The following MYO1E variants were observed in gnomAD, a reference collection of about 807,000 sequenced individuals.
MYO1E encodes the protein unconventional myosin-Ie.
In MYO1E, 68 loss-of-function variants were observed where a neutral mutation model predicts 151.1. That is an observed-to-expected ratio of 0.45 (90% CI 0.37 to 0.55). The LOEUF is 0.55. MYO1E is among the 20% of genes least tolerant of loss of function. MYO1E has a pLI of 0.00. For missense variants in MYO1E, 1,363 were observed against 1,389.3 expected (o/e 0.98, Z 0.30); for synonymous variants, 601 against 501.7 (o/e 1.20, Z -2.64).
chr15:59,230,761 A>G (rs1361504127), intron 6 of MYO1E, among the ~76,000 whole-genome samples: 1 of 152,212 alleles, frequency 6.6e-6, no homozygotes, highest in African/African-American at 2.4e-5. Context: ...TGGAAATAGA[A>G]GCTTCTTTCC....
In MYO1E at chr15:59,372,805, C is replaced by G; in HGVS notation, c.-305G>C. The G allele has an allele frequency of 2.0e-6, 1 of 493,472 alleles. No homozygotes were observed. Among genetic ancestry groups the G allele is most frequent in the Non-Finnish European group, 3.6e-6 (1 of 279,458 alleles). 30.6% of individuals were successfully genotyped at this position (493,472 alleles called of 1,614,324 possible). A position where few individuals can be genotyped will look rare whatever the true frequency, so the allele number is the denominator to read the frequency against. On this transcript the variant is annotated 5_prime_UTR_variant, in exon 1 of 28. Transcript: ENST00000288235. ...GTGAGTCCGATGCGCTCGGAGCGTC[C>G]GCCTCGCTCCCCTGCCTCACTCCTC...
At chr15:59,220,944 A>G (rs1386172567) in intron 9 of MYO1E, among the ~76,000 whole-genome samples, 1 of 147,128 alleles carries the variant, frequency 6.8e-6, no homozygotes, top group East Asian at 1.9e-4. Context: ...AAAAAAAAAA[A>G]AAAGATAAAG....
chr15:59,322,764 G>C (rs552065567), intron 1 of MYO1E, among the ~76,000 whole-genome samples: 3 of 151,896 alleles, frequency 2.0e-5, no homozygotes, highest in African/African-American at 7.2e-5. Flanking sequence ...GAGTTTGTTT[G>C]TTTTTTTTCC....
chr15:59,184,769 T>TC (rs2079685870), intron 18 of MYO1E, among the ~76,000 whole-genome samples: 1 of 152,238 alleles, frequency 6.6e-6, no homozygotes, highest in East Asian at 1.9e-4. Context: ...CATATCTCTT[T>TC]GATATCCTGA....
intron 1 of MYO1E, among the ~76,000 whole-genome samples, chr15:59,372,101 G>T (rs1221897909): frequency 3.7e-4 from 55 of 150,354 alleles, no homozygotes; most frequent in African/African-American, 1.3e-3. Flanking sequence ...AGGGGACGCC[G>T]CCAGCGGCTG....
intron 1 of MYO1E, among the ~76,000 whole-genome samples, chr15:59,366,997 C>CAAAAAA (rs66848377): frequency 1.4e-4 from 4 of 28,612 alleles, no homozygotes; most frequent in Non-Finnish European, 2.1e-4. Context: ...TGCATTTTCG[C>CAAAAAA]AAAAAAAAAA....
chr15:59,226,200 T>A (rs2079990213), intron 7 of MYO1E, among the ~76,000 whole-genome samples: 1 of 152,198 alleles, frequency 6.6e-6, no homozygotes, highest in Non-Finnish European at 1.5e-5. Context: ...TTCACAGAAG[T>A]TTTAATCATT....
At chr15:59,183,280 T>A (rs1295934622) in intron 18 of MYO1E, among the ~76,000 whole-genome samples, 1 of 151,956 alleles carries the variant, frequency 6.6e-6, no homozygotes. Context: ...AGGAAGGAGG[T>A]CTTTCAGAAC....
At chr15:59,216,545 C>T (rs1369938837) in intron 10 of MYO1E, among the ~76,000 whole-genome samples, 3 of 137,664 alleles carry the variant, frequency 2.2e-5, no homozygotes, top group Non-Finnish European at 3.2e-5. Flanking sequence ...ATGTGATATA[C>T]ATATATAAAT....
chr15:59,278,952 G>C (rs1235706033), intron 1 of MYO1E, among the ~76,000 whole-genome samples: 4 of 152,084 alleles, frequency 2.6e-5, no homozygotes, highest in Non-Finnish European at 5.9e-5. Context: ...CCTCTGCTTG[G>C]AGTGGGTGGA....
chr15:59,173,474 C>T (rs1167971295), intron 21 of MYO1E, among the ~76,000 whole-genome samples: 1 of 152,110 alleles, frequency 6.6e-6, no homozygotes, highest in Non-Finnish European at 1.5e-5. Flanking sequence ...GGACATAAAA[C>T]AGCATGTAAT....
intron 2 of MYO1E, among the ~76,000 whole-genome samples, chr15:59,264,426 G>A (rs963608322): frequency 2.2e-4 from 33 of 152,212 alleles, no homozygotes; most frequent in Non-Finnish European, 7.3e-5. Flanking sequence ...CTGGTAGCCA[G>A]ATTTAGCAAA....
At chr15:59,212,414 A>T (rs1192855691) in intron 12 of MYO1E, among the ~76,000 whole-genome samples, 1 of 152,064 alleles carries the variant, frequency 6.6e-6, no homozygotes, top group Non-Finnish European at 1.5e-5. Flanking sequence ...AGAGGCATAA[A>T]CACTTCCATA....
intron 1 of MYO1E, among the ~76,000 whole-genome samples, chr15:59,292,956 G>A (rs888427573): frequency 3.3e-5 from 5 of 152,162 alleles, no homozygotes; most frequent in Non-Finnish European, 7.4e-5. Context: ...TGTAGACAAA[G>A]GGGAGGCCTC....
Position 59,261,444 on chromosome 15 carries a change from C to A in MYO1E, c.213G>T (p.Lys71Asn). The A allele has an allele frequency of 6.2e-7, 1 of 1,610,626 alleles. No homozygotes were observed. The highest frequency in any genetic ancestry group is 8.5e-7 in the Non-Finnish European group (1 of 1,177,050). Residue 71 changes from lysine to asparagine, a missense_variant, in exon 3 of 28, where the codon AAG (lysine) becomes AAT (asparagine). Transcript: ENST00000288235. Reference protein sequence around the residue: ...PFKQMPYFGEKEIEMYQGAAQ... With the variant: ...PFKQMPYFGENEIEMYQGAAQ... ...CCGCTCCTTGGTACATTTCAATTTC[C>A]TTTTCCCCAAAATATGGCATCTGCT...
intron 16 of MYO1E, among the ~76,000 whole-genome samples, chr15:59,200,995 A>T (rs1288185526): frequency 1.3e-5 from 2 of 152,226 alleles, no homozygotes; most frequent in African/African-American, 4.8e-5. Context: ...CTGAGGAAGT[A>T]TTCAGCTGGT....
intron 1 of MYO1E, among the ~76,000 whole-genome samples, chr15:59,344,214 G>C (rs2080781275): frequency 6.6e-6 from 1 of 152,234 alleles, no homozygotes; most frequent in Non-Finnish European, 1.5e-5. Context: ...GGACACCACA[G>C]CCGTATCTGC....
At chr15:59,258,829 C>T (rs2080208967) in intron 3 of MYO1E, among the ~76,000 whole-genome samples, 2 of 150,662 alleles carry the variant, frequency 1.3e-5, no homozygotes, top group Admixed American at 6.6e-5. Flanking sequence ...TGCGCTTCAG[C>T]ATGGGTGACA....
At chr15:59,219,113 T>C (rs1479559875) in intron 9 of MYO1E, among the ~76,000 whole-genome samples, 1 of 152,224 alleles carries the variant, frequency 6.6e-6, no homozygotes, top group Non-Finnish European at 1.5e-5. Context: ...CCTGCCCTAA[T>C]GTCACATGGT....
Sources: gnomAD v4.1 joint callset for allele counts (sites outside exome capture counted in the v4.1 genomes callset) on GRCh38, gnomAD v4.1.1 for gene constraint, MANE v1.5 for transcripts, NCBI Gene and HGNC (gene_info 2026-07-23, HGNC 2026-07-21) for gene names.